The following RIPOR2 variants were observed in gnomAD, a reference collection of about 807,000 sequenced individuals.
RIPOR2 encodes rho family-interacting cell polarization regulator 2.
In RIPOR2, 39 loss-of-function variants were observed where a neutral mutation model predicts 114.5. The observed-to-expected ratio is 0.34, with a 90% confidence interval of 0.26 to 0.44. RIPOR2 has a LOEUF of 0.44. Among genes scored for constraint, RIPOR2 ranks in the 20% least tolerant of loss-of-function variants. The probability of loss-of-function intolerance (pLI) is 1.00; values close to 1 mark genes in which losing one functional copy is unlikely to be tolerated. For synonymous variants in RIPOR2, 445 were observed against 484.4 expected (o/e 0.92, Z 1.07); for missense variants, 1,007 against 1,255.1 (o/e 0.80, Z 2.99).
chr6:25,000,243 T>C (rs886430215), intron 1 of RIPOR2, among the ~76,000 whole-genome samples: 5 of 152,164 alleles, frequency 3.3e-5, no homozygotes, highest in African/African-American at 1.2e-4. Context: ...TCCTGACCAA[T>C]GAAGGTGTCA....
At chr6:24,983,628 G>A (rs1047933809) in intron 1 of RIPOR2, among the ~76,000 whole-genome samples, 1 of 151,894 alleles carries the variant, frequency 6.6e-6, no homozygotes, top group Non-Finnish European at 1.5e-5. Context: ...ATGGTGGCAG[G>A]TGCCTGTAGT....
chr6:24,965,163 G>A (rs1234478870), intron 1 of RIPOR2, among the ~76,000 whole-genome samples: 3 of 150,030 alleles, frequency 2.0e-5, no homozygotes, highest in African/African-American at 7.4e-5. Context: ...TTATTTTTGG[G>A]AGACAGGGTC....
chr6:25,017,208 G>A (rs938564158), intron 1 of RIPOR2, among the ~76,000 whole-genome samples: 1 of 152,126 alleles, frequency 6.6e-6, no homozygotes, highest in East Asian at 1.9e-4. Flanking sequence ...GGTAATCCCC[G>A]TTACTTGGGA....
At chr6:24,950,125 A>T (rs886736508) in intron 1 of RIPOR2, among the ~76,000 whole-genome samples, 6 of 152,190 alleles carry the variant, frequency 3.9e-5, no homozygotes, top group Non-Finnish European at 8.8e-5. Flanking sequence ...TGCTGCTATG[A>T]ACCAAGGTGC....
rs540232046 is a variant in RIPOR2, at chr6:24,876,422, T to C, written c.62-605A>G. ...CACACCCTCAAAAACATGAAAACTG[T>C]TGTAACATTTATCTCCATTCAACAA... is the stretch of plus-strand genomic sequence containing the variant. On this transcript the variant is annotated intron_variant, in intron 1 of 21. Transcript: ENST00000643898. 2.6e-5 allele frequency among the ~76,000 whole-genome samples: 4 copies of C among 152,258 alleles called. No homozygotes were observed. The East Asian group carries it at 7.7e-4, about 29-fold the overall frequency.
chr6:24,993,207 G>A (rs1774906676), intron 1 of RIPOR2, among the ~76,000 whole-genome samples: 1 of 152,072 alleles, frequency 6.6e-6, no homozygotes, highest in South Asian at 2.1e-4. Flanking sequence ...TTGATCTTTT[G>A]AACGGTTTTC....
chr6:24,862,185 A>C (rs879601137), intron 7 of RIPOR2, among the ~76,000 whole-genome samples: 4 of 152,252 alleles, frequency 2.6e-5, no homozygotes, highest in African/African-American at 9.6e-5. Context: ...TGCTGCGGCC[A>C]TGGGCCATCC....
chr6:24,925,372 T>G (rs776658497), intron 1 of RIPOR2, among the ~76,000 whole-genome samples: 6 of 152,228 alleles, frequency 3.9e-5, no homozygotes, highest in Non-Finnish European at 7.3e-5. Flanking sequence ...AGATGATGCT[T>G]CTGACCCACC....
At chr6:24,840,022 T>C (rs2113715613) in intron 13 of RIPOR2, 1 of 850,582 alleles carries the variant, frequency 1.2e-6, no homozygotes, top group African/African-American at 2.1e-5. Context: ...TGATCACAGC[T>C]CACTGCAGCC....
chr6:25,004,418 C>T (rs1775455447), intron 1 of RIPOR2, among the ~76,000 whole-genome samples: 1 of 152,202 alleles, frequency 6.6e-6, no homozygotes, highest in Non-Finnish European at 1.5e-5. Context: ...CAGCAGTTCT[C>T]CTTGGCCTGG....
intron 16 of RIPOR2, among the ~76,000 whole-genome samples, chr6:24,830,929 T>C (rs1760627028): frequency 6.6e-6 from 1 of 152,124 alleles, no homozygotes; most frequent in Non-Finnish European, 1.5e-5. Context: ...TTGGTCAGGC[T>C]GGTCTCGAAC....
intron 1 of RIPOR2, among the ~76,000 whole-genome samples, chr6:24,956,996 G>T (rs1428319085): frequency 2.0e-5 from 3 of 152,122 alleles, no homozygotes; most frequent in African/African-American, 4.8e-5. Flanking sequence ...AACTTAAACT[G>T]TTATCTTTGT....
chr6:24,938,011 C>T (rs900313950), upstream of RIPOR2, among the ~76,000 whole-genome samples: 3 of 152,076 alleles, frequency 2.0e-5, no homozygotes, highest in African/African-American at 7.2e-5. Context: ...CCTCTGTAGG[C>T]CTGTTTCATT....
chr6:24,991,728 GAC>G (rs1247634123), intron 1 of RIPOR2, among the ~76,000 whole-genome samples: 5 of 152,042 alleles, frequency 3.3e-5, no homozygotes, highest in Non-Finnish European at 5.9e-5. Flanking sequence ...GTATCTCCCA[GAC>G]CCATATCCAA....
At chr6:25,004,755 TTG>T (rs1294812757) in intron 1 of RIPOR2, among the ~76,000 whole-genome samples, 1 of 152,210 alleles carries the variant, frequency 6.6e-6, no homozygotes, top group Non-Finnish European at 1.5e-5. Context: ...TTGTTTTGTT[TTG>T]TTTTACTGGC....
intron 1 of RIPOR2, among the ~76,000 whole-genome samples, chr6:24,943,439 T>C (rs1176767949): frequency 6.6e-6 from 1 of 152,130 alleles, no homozygotes; most frequent in Non-Finnish European, 1.5e-5. Context: ...CATGCATACG[T>C]ATGTGACTAA....
intron 1 of RIPOR2, among the ~76,000 whole-genome samples, chr6:25,007,914 C>A (rs1775621260): frequency 6.6e-6 from 1 of 152,114 alleles, no homozygotes; most frequent in Admixed American, 6.5e-5. Flanking sequence ...TTGCCCCCGA[C>A]CTCTATTTCC....
intron 1 of RIPOR2, chr6:24,929,339 C>G (rs1057025033): frequency 3.3e-5 from 5 of 152,170 alleles, no homozygotes; most frequent in African/African-American, 1.2e-4. Flanking sequence ...ACACGTCCCT[C>G]TTCAGCCTAG....
intron 21 of RIPOR2, among the ~76,000 whole-genome samples, chr6:24,807,559 G>A (rs1780852866): frequency 6.6e-6 from 1 of 152,106 alleles, no homozygotes; most frequent in African/African-American, 2.4e-5. Flanking sequence ...ACTTACAACG[G>A]GTTTATTGGG....
Sources: allele counts gnomAD v4.1 joint callset (sites outside exome capture counted in the v4.1 genomes callset), GRCh38; gene constraint gnomAD v4.1.1; transcripts MANE v1.5; gene names NCBI Gene and HGNC (gene_info 2026-07-23, HGNC 2026-07-21).